The following PTPRC variants were observed in gnomAD, a reference collection of about 807,000 sequenced individuals.
The protein encoded by PTPRC is receptor-type tyrosine-protein phosphatase C.
Under a neutral mutation model 155.9 loss-of-function variants are expected in PTPRC, and 44 were observed. The ratio of observed to expected loss-of-function variants is 0.28; its 90% CI spans 0.22 to 0.36. The LOEUF is 0.36. Ranked by LOEUF, PTPRC falls within the 10% of genes least tolerant of loss-of-function variation. PTPRC has a pLI of 1.00. For synonymous variants in PTPRC, 525 were observed against 533.1 expected (o/e 0.98, Z 0.21); for missense variants, 1,401 against 1,564.6 (o/e 0.90, Z 1.76).
chr1:198,709,873 T>C (rs1653199290), intron 11 of PTPRC, 49 bp downstream of exon 11: 3 of 1,591,400 alleles, frequency 1.9e-6, no homozygotes, highest in Non-Finnish European at 2.6e-6. Context: ...TCTCTTCATG[T>C]TCTTATAATT....
chr1:198,693,229 A>T (rs1666023390), intron 3 of PTPRC: 1 of 801,824 alleles, frequency 1.2e-6, no homozygotes, highest in Non-Finnish European at 1.5e-6. Context: ...ATAACCATGA[A>T]AATAGTAACA....
At chr1:198,642,354 GTCAA>G (rs1007418078) in intron 2 of PTPRC, among the ~76,000 whole-genome samples, 3 of 103,430 alleles carry the variant, frequency 2.9e-5, no homozygotes, top group Admixed American at 2.1e-4. Flanking sequence ...ATATATACTA[GTCAA>G]TCTATCTATC....
At chr1:198,672,306 G>A (rs1427733672) in intron 2 of PTPRC, among the ~76,000 whole-genome samples, 1 of 152,176 alleles carries the variant, frequency 6.6e-6, no homozygotes, top group Non-Finnish European at 1.5e-5. Context: ...ACACCCTGTG[G>A]ATGTCAGAGC....
chr1:198,681,258 A>G (rs1207616670), intron 2 of PTPRC, among the ~76,000 whole-genome samples: 1 of 152,232 alleles, frequency 6.6e-6, no homozygotes, highest in Non-Finnish European at 1.5e-5. Context: ...TGGTCAAAAC[A>G]TAAGACAATT....
At chr1:198,639,645 A>G (rs2102161727) in intron 2 of PTPRC, among the ~76,000 whole-genome samples, 1 of 152,236 alleles carries the variant, frequency 6.6e-6, no homozygotes, top group South Asian at 2.1e-4. Flanking sequence ...CTTAACTTCC[A>G]AAGTGACAAT....
chr1:198,705,600 T>C (rs2102408702), intron 8 of PTPRC, among the ~76,000 whole-genome samples: 1 of 152,026 alleles, frequency 6.6e-6, no homozygotes, highest in East Asian at 1.9e-4. Context: ...TTTGTATTTT[T>C]AGTAGAGATT....
At chr1:198,727,440 G>A (rs1291897280) in intron 15 of PTPRC, among the ~76,000 whole-genome samples, 1 of 151,904 alleles carries the variant, frequency 6.6e-6, no homozygotes, top group African/African-American at 2.4e-5. Context: ...TTTGGCAGAT[G>A]ACCAAAAGCC....
At position 198,716,722 on chromosome 1, in the gene PTPRC, T is replaced by C. The variant is rs1653605719; in HGVS notation, c.1332T>C (p.Tyr444=). The C allele has an allele frequency of 6.2e-7, 1 of 1,612,434 alleles. No homozygotes were observed. The highest frequency in any genetic ancestry group is 2.2e-5 in the East Asian group (1 of 44,806). Residue 444 remains tyrosine, a synonymous_variant, in exon 13 of 33, where the codon TAT becomes TAC. Transcript: ENST00000442510. ...CLNLDKNLIK[Y]DLQNLKPYTK... ...ATCTGGATAAAAACCTGATCAAATA[T>C]GATTTGCAAAATTTAAAACCTTATA...
Position 198,756,922 on chromosome 1 carries a change from A to ATATT in PTPRC, c.*744_*747dup, listed in dbSNP as rs1429612792. 1.3e-5 allele frequency: 2 copies of ATATT among 151,888 alleles called. No individual in the cohort carries two copies. The highest frequency in any genetic ancestry group is 4.8e-5 in the African/African-American group (2 of 41,416). 9.4% of individuals were successfully genotyped at this position (151,888 alleles called of 1,614,324 possible). On this transcript the variant is annotated 3_prime_UTR_variant, in exon 33 of 33. Coordinates refer to ENST00000442510, the MANE Select transcript of PTPRC (RefSeq NM_002838.5). ...TGCATGCTCGATTATTCCCTGTACA[A>ATATT]TATTTAAAATTTATTGCTTGATACT...
intron 2 of PTPRC, among the ~76,000 whole-genome samples, chr1:198,688,393 G>A (rs879815717): frequency 3.3e-5 from 5 of 152,054 alleles, no homozygotes; most frequent in Admixed American, 6.6e-5. Flanking sequence ...AATATGGAGC[G>A]ATGATGAGAT....
chr1:198,698,811 A>ATAT, intron 4 of PTPRC, among the ~76,000 whole-genome samples: 1 of 152,214 alleles, frequency 6.6e-6, no homozygotes, highest in South Asian at 2.1e-4. Flanking sequence ...TAAAGTATAT[A>ATAT]AAATGTATAC....
At chr1:198,709,249 G>A (rs1431760755) in intron 10 of PTPRC, among the ~76,000 whole-genome samples, 6 of 152,010 alleles carry the variant, frequency 3.9e-5, no homozygotes, top group South Asian at 2.1e-4. Flanking sequence ...AATTTTACAC[G>A]TGACCTAAAG....
At position 198,735,105 on chromosome 1, in the gene PTPRC, T is replaced by C. The variant is rs773711170; in HGVS notation, c.2278-22T>C. 6.4e-6 allele frequency: 10 copies of C among 1,550,938 alleles called. No individual in the cohort carries two copies. In the African/African-American group the frequency reaches 1.4e-4, roughly 21 times the overall value. ...TGGCTTAAATTAAAAATTAAAATAC[T>C]TAATAATTTTTTAAAATGTAGAACA... On this transcript the variant is annotated intron_variant, in intron 22 of 32. Coordinates refer to ENST00000442510, the MANE Select transcript of PTPRC (RefSeq NM_002838.5).
intron 23 of PTPRC, among the ~76,000 whole-genome samples, chr1:198,737,074 T>C (rs1053413121): frequency 6.6e-6 from 1 of 151,816 alleles, no homozygotes; most frequent in Non-Finnish European, 1.5e-5. Context: ...AAGCTTCTTA[T>C]GTATTCTGGA....
At chr1:198,705,324 C>T (rs1292109868) in intron 8 of PTPRC, among the ~76,000 whole-genome samples, 2 of 151,902 alleles carry the variant, frequency 1.3e-5, no homozygotes, top group Non-Finnish European at 1.5e-5. Context: ...TCATTCATCT[C>T]TCCTCCCGCC....
chr1:198,753,520 G>A (rs928967782), intron 31 of PTPRC, among the ~76,000 whole-genome samples: 3 of 151,896 alleles, frequency 2.0e-5, no homozygotes, highest in Admixed American at 6.6e-5. Context: ...AAGTCTAATT[G>A]TTATTATTGG....
chr1:198,695,601 C>T (rs1027838626), intron 3 of PTPRC, among the ~76,000 whole-genome samples: 2 of 151,206 alleles, frequency 1.3e-5, no homozygotes, highest in Admixed American at 6.6e-5. Context: ...GCTGATTTGC[C>T]CTGCAGAATT....
chr1:198,673,196 T>A (rs2102300197), intron 2 of PTPRC, among the ~76,000 whole-genome samples: 1 of 152,232 alleles, frequency 6.6e-6, no homozygotes, highest in South Asian at 2.1e-4. Context: ...CTTCCATGAT[T>A]ACCCTAAGAA....
intron 26 of PTPRC, among the ~76,000 whole-genome samples, chr1:198,747,542 T>C (rs572169870): frequency 1.8e-4 from 27 of 151,898 alleles, no homozygotes; most frequent in Non-Finnish European, 3.8e-4. Context: ...AGGAAATTGT[T>C]GATGTTTTAC....
Sources: gnomAD v4.1 joint callset for allele counts (sites outside exome capture counted in the v4.1 genomes callset) on GRCh38, gnomAD v4.1.1 for gene constraint, MANE v1.5 for transcripts, NCBI Gene and HGNC (gene_info 2026-07-23, HGNC 2026-07-21) for gene names.